Variants in GPAT3 observed in about 807,000 individuals in gnomAD.
The protein encoded by GPAT3 is 1-AGP acyltransferase 9.
Under a neutral mutation model 58.8 loss-of-function variants are expected in GPAT3, and 53 were observed. The ratio of observed to expected loss-of-function variants is 0.90; its 90% confidence interval spans 0.72 to 1.13. The LOEUF (loss-of-function observed/expected upper bound fraction) is 1.13. GPAT3 is among the 50% of genes most tolerant of loss of function. The pLI, the probability that GPAT3 is intolerant of heterozygous loss-of-function variation, is 0.00. For synonymous variants in GPAT3, 197 were observed against 187.4 expected (o/e 1.05, Z -0.42); for missense variants, 511 against 527.6 (o/e 0.97, Z 0.31).
intron 11 of GPAT3, among the ~76,000 whole-genome samples, chr4:83,602,936 G>A (rs1727113157): frequency 6.6e-6 from 1 of 152,274 alleles, no homozygotes; most frequent in Admixed American, 6.5e-5. Flanking sequence ...TGGATGATTT[G>A]TGGATCACAG....
chr4:83,565,710 A>C (rs556036268), intron 2 of GPAT3, among the ~76,000 whole-genome samples: 2 of 152,260 alleles, frequency 1.3e-5, no homozygotes, highest in Admixed American at 6.5e-5. Context: ...GGGTACCCCG[A>C]GTCCGGCGGA....
At chr4:83,598,622 A>ATTTT in intron 10 of GPAT3, 22 bp from the exon 11 acceptor site, 3 of 1,418,756 alleles carry the variant, frequency 2.1e-6, no homozygotes, top group Admixed American at 2.0e-5. Flanking sequence ...TATTCTTGCA[A>ATTTT]TTTTTTTTTT....
chr4:83,587,940 C>G (rs547206203), intron 4 of GPAT3, among the ~76,000 whole-genome samples: 37 of 152,280 alleles, frequency 2.4e-4, no homozygotes, highest in Non-Finnish European at 5.0e-4. Flanking sequence ...TTCACTTTAT[C>G]TCGTTCAGGA....
At chr4:83,544,882 C>A (rs1490987489) in intron 2 of GPAT3, among the ~76,000 whole-genome samples, 1 of 149,730 alleles carries the variant, frequency 6.7e-6, no homozygotes, top group Non-Finnish European at 1.5e-5. Context: ...AAGATGTAGT[C>A]GATGGCCAAA....
At position 83,536,460 on chromosome 4, in the gene GPAT3, C is replaced by A. The variant is rs1029727088; in HGVS notation, c.-163C>A. On this transcript the variant is annotated 5_prime_UTR_variant, in exon 1 of 12. Coordinates refer to ENST00000264409, the MANE Select transcript of GPAT3 (RefSeq NM_032717.5). ...GCCCAGGGAGGAAGGAAGGATATTG[C>A]CGTAATTCTGAAAGTTTTTTTCCTT... 4 of 1,439,302 alleles carry A rather than the reference C, an allele frequency of 2.8e-6. No individual in the cohort carries two copies. The highest frequency in any genetic ancestry group is 3.6e-6 in the Non-Finnish European group (4 of 1,102,634). 89.2% of individuals were successfully genotyped at this position (1,439,302 alleles called of 1,614,324 possible). A position where few individuals can be genotyped will look rare whatever the true frequency, so the allele number is the denominator to read the frequency against.
At chr4:83,600,268 G>C (rs1727008535) in intron 11 of GPAT3, among the ~76,000 whole-genome samples, 1 of 152,088 alleles carries the variant, frequency 6.6e-6, no homozygotes. Context: ...TCCCTTCTTT[G>C]TGCAGGCATG....
intron 2 of GPAT3, among the ~76,000 whole-genome samples, chr4:83,558,466 T>C (rs1447053230): frequency 1.3e-5 from 2 of 152,174 alleles, no homozygotes; most frequent in African/African-American, 4.8e-5. Flanking sequence ...CACACAGCCA[T>C]GACTGAACCA....
At position 83,562,193 on chromosome 4, in the gene GPAT3, ATATATAATATATATATAT is replaced by A. The variant is rs1271182620; in HGVS notation, c.208+17598_208+17615del. Among the ~76,000 whole-genome samples the A allele has an allele frequency of 3.8e-4, 18 of 47,998 alleles. 1 individual carries two copies. Among genetic ancestry groups the A allele is most frequent in the African/African-American group, 1.4e-3 (18 of 12,736 alleles). 31.5% of individuals were successfully genotyped at this position (47,998 alleles called of 152,430 possible). On this transcript the variant is annotated intron_variant, in intron 2 of 11. Transcript: ENST00000264409. The stretch of plus-strand genomic sequence containing the variant: ...TATTTTATATATTATATATATATAT[ATATATAATATATATATAT>A]TATATATATATATAATATATATATA...
intron 7 of GPAT3, 47 bp downstream of exon 7, chr4:83,595,007 G>T: frequency 1.3e-6 from 2 of 1,553,006 alleles, no homozygotes; most frequent in South Asian, 1.1e-5. Flanking sequence ...CATAAAAGCT[G>T]ACCAATCTTG....
intron 6 of GPAT3, 46 bp downstream of exon 6, chr4:83,590,338 A>G: frequency 6.3e-7 from 1 of 1,578,882 alleles, no homozygotes; most frequent in Non-Finnish European, 8.7e-7. Flanking sequence ...TGTTTTATGG[A>G]TTGATCAAAC....
intron 1 of GPAT3, among the ~76,000 whole-genome samples, chr4:83,538,348 A>G (rs1181271505): frequency 6.6e-6 from 1 of 152,152 alleles, no homozygotes; most frequent in Non-Finnish European, 1.5e-5. Flanking sequence ...GCTATTTCTC[A>G]GTTTTGAACT....
At chr4:83,549,425 G>A (rs887091620) in intron 2 of GPAT3, among the ~76,000 whole-genome samples, 2 of 146,926 alleles carry the variant, frequency 1.4e-5, no homozygotes, top group African/African-American at 5.1e-5. Flanking sequence ...TATAGGTTGG[G>A]GCTTTCTTTT....
Position 83,587,252 on chromosome 4 carries a change from C to T in GPAT3, c.480-3C>T. 6.2e-7 allele frequency: 1 copy of T among 1,612,076 alleles called. No individual in the cohort carries two copies. The highest frequency in any genetic ancestry group is 1.7e-5 in the Admixed American group (1 of 59,420). On this transcript the variant is annotated splice_region_variant and splice_polypyrimidine_tract_variant and intron_variant, in intron 3 of 11. Transcript: ENST00000264409. ...TTATATGGCCCTCTCTTTTCTTTTT[C>T]AGGGTTACCTTGGCTTTCATTGGGA... is the stretch of plus-strand genomic sequence containing the variant.
Position 83,588,214 on chromosome 4 carries a change from A to C in GPAT3, c.559A>C (p.Lys187Gln). The C allele has an allele frequency of 6.2e-7, 1 of 1,613,672 alleles. No individual in the cohort carries two copies. Residue 187 changes from lysine (K) to glutamine (Q), a missense_variant, in exon 5 of 12, where the codon AAA (lysine) becomes CAA (glutamine). Transcript: ENST00000264409. ...AAATGTTTCTATTTCCTTCAGCCTC[A>C]AAAACTGGCTGAGTGAACTGGTCCA... ...LVGQLPDSSL[K>Q]NWLSELVHLT... is the part of the protein sequence containing the mutation.
chr4:83,599,545 C>G (rs7671229), intron 11 of GPAT3, among the ~76,000 whole-genome samples: 86,322 of 151,948 alleles, frequency 0.57, 24,831 homozygotes, highest in Middle Eastern at 0.73. Context: ...ATGAAGAAAG[C>G]GGGAATGGAT....
chr4:83,581,264 G>A (rs1224272188), intron 2 of GPAT3, among the ~76,000 whole-genome samples: 1 of 151,992 alleles, frequency 6.6e-6, no homozygotes, highest in African/African-American at 2.4e-5. Flanking sequence ...GTGTGTGTGT[G>A]AGTTCTTTGT....
At chr4:83,551,872 T>C (rs1015157410) in intron 2 of GPAT3, among the ~76,000 whole-genome samples, 1 of 148,136 alleles carries the variant, frequency 6.8e-6, no homozygotes, top group African/African-American at 2.5e-5. Flanking sequence ...ACAATGAGTA[T>C]TTTTTTTCTT....
At chr4:83,565,995 A>G (rs1379174794) in intron 2 of GPAT3, among the ~76,000 whole-genome samples, 2 of 152,126 alleles carry the variant, frequency 1.3e-5, no homozygotes, top group East Asian at 3.8e-4. Context: ...TTCAGGAGAA[A>G]CCAAGATGTT....
rs1008400104 is a variant in GPAT3 at position 83,581,712 on chromosome 4, A to G, written c.359A>G (p.Glu120Gly). Residue 120 changes from glutamate (E) to glycine (G), a missense_variant, in exon 3 of 12, where the codon GAG (glutamate) becomes GGG (glycine). Coordinates refer to ENST00000264409, the MANE Select transcript of GPAT3 (RefSeq NM_032717.5). ...DEVTQRFSSE[E>G]LVSWNLLTRT... ...GTGACCCAGAGGTTTTCCTCAGAGGAGCTAGTGTCATGGAATCTCCTCACA... is the reference window on the plus strand; with the variant it reads ...GTGACCCAGAGGTTTTCCTCAGAGGGGCTAGTGTCATGGAATCTCCTCACA... 6 of 1,613,998 alleles carry G rather than the reference A, an allele frequency of 3.7e-6. No individual in the cohort carries two copies. The African/African-American group carries it at 8.0e-5, about 22-fold the overall frequency.
Sources: gnomAD v4.1 joint callset for allele counts (sites outside exome capture counted in the v4.1 genomes callset) on GRCh38, gnomAD v4.1.1 for gene constraint, MANE v1.5 for transcripts, NCBI Gene and HGNC (gene_info 2026-07-23, HGNC 2026-07-21) for gene names.